NLRC5: variants seen among roughly 807,000 people sequenced by gnomAD.
NLRC5 encodes the protein NLR family CARD domain containing 5, also known as protein NLRC5.
In NLRC5, 114 loss-of-function variants were observed where a neutral mutation model predicts 206.9. The ratio of observed to expected loss-of-function variants is 0.55; its 90% confidence interval spans 0.47 to 0.64. The LOEUF (loss-of-function observed/expected upper bound fraction) is 0.64. Ranked by LOEUF, NLRC5 falls within the 30% of genes least tolerant of loss-of-function variation. The probability of loss-of-function intolerance (pLI) is 0.00; values close to 1 mark genes in which losing one functional copy is unlikely to be tolerated. For missense variants in NLRC5, 2,008 were observed against 2,305.5 expected, an observed-to-expected ratio of 0.87 and a Z score of 2.64; for synonymous variants, 952 against 962.8, an observed-to-expected ratio of 0.99 and a Z score of 0.21.
rs2069285479 is a variant in NLRC5 at position 57,082,568 on chromosome 16, A to AC, written c.*43dup. On this transcript the variant is annotated 3_prime_UTR_variant, in exon 49 of 49. Coordinates refer to ENST00000688547, the MANE Select transcript of NLRC5 (RefSeq NM_001384950.1). Reference sequence around the variant, plus strand: ...CCTTTGGAATCCAGCCAAGTGATGCACCCAAATGATCCACCTTTCGCCCAC... The same window carrying AC: ...CCTTTGGAATCCAGCCAAGTGATGCACCCCAAATGATCCACCTTTCGCCCAC... The AC allele has an allele frequency of 2.8e-6, 4 of 1,442,456 alleles. No homozygotes were observed. The highest frequency in any genetic ancestry group is 3.9e-6 in the Non-Finnish European group (4 of 1,029,474). 89.4% of individuals were successfully genotyped at this position (1,442,456 alleles called of 1,614,324 possible).
At chr16:57,030,257 G>T (rs1001394102) in intron 10 of NLRC5, among the ~76,000 whole-genome samples, 173 bp downstream of exon 10, 2 of 152,166 alleles carry the variant, frequency 1.3e-5, no homozygotes, top group African/African-American at 4.8e-5. Flanking sequence ...CTGGTACTTG[G>T]TATATATTGA....
At chr16:57,058,608 T>C (rs61560392) in intron 28 of NLRC5, 28,956 of 340,698 alleles carry the variant, frequency 0.085, 1,724 homozygotes, top group African/African-American at 0.19. Flanking sequence ...TCCCGTGACC[T>C]GCTGGAGTGA....
intron 47 of NLRC5, 102 bp from the exon 48 acceptor site, chr16:57,081,425 T>A: frequency 1.8e-6 from 2 of 1,123,574 alleles, no homozygotes; most frequent in Admixed American, 1.8e-5. Flanking sequence ...TGTGGGAGAC[T>A]GTGTCCCCTG....
rs767805494 is a variant in NLRC5 at position 57,046,684 on chromosome 16, G to A, written c.3338+43G>A. The A allele has an allele frequency of 2.6e-6, 4 of 1,541,128 alleles. No homozygotes were observed. The South Asian group carries it at 4.5e-5, about 17-fold the overall frequency. The stretch of plus-strand genomic sequence containing the variant: ...CTTGTTTGGGGGTAACCATAATAGG[G>A]ATGAGGCGTCAGAGGGGGCAGAGCT... On this transcript the variant is annotated intron_variant, in intron 22 of 48. Transcript: ENST00000688547.
intron 1 of NLRC5, among the ~76,000 whole-genome samples, chr16:56,999,847 G>A (rs1177319399): frequency 6.6e-6 from 1 of 152,228 alleles, no homozygotes; most frequent in African/African-American, 2.4e-5. Flanking sequence ...CCAGGTGGGA[G>A]GTAGCGAGGA....
intron 1 of NLRC5, among the ~76,000 whole-genome samples, chr16:57,000,894 A>G (rs2058164425): frequency 6.6e-6 from 1 of 152,192 alleles, no homozygotes; most frequent in African/African-American, 2.4e-5. Flanking sequence ...CCAGTGGCCC[A>G]GCCCAGCCCT....
At chr16:57,037,406 C>G in intron 15 of NLRC5, 122 bp downstream of exon 15, 1 of 865,452 alleles carries the variant, frequency 1.2e-6, no homozygotes, top group Non-Finnish European at 1.9e-6. Context: ...CTGTCCCACC[C>G]AGACCCCGTT....
intron 43 of NLRC5, 129 bp from the exon 44 acceptor site, chr16:57,078,921 G>A: frequency 2.5e-6 from 2 of 806,710 alleles, no homozygotes; most frequent in Non-Finnish European, 4.1e-6. Context: ...ACCTACCCAG[G>A]TCCTGTGTGG....
rs750409139 is a variant in NLRC5 at position 57,061,531 on chromosome 16, C to A, written c.4070C>A (p.Thr1357Lys). Residue 1357 changes from threonine (T) to lysine (K), a missense_variant and splice_region_variant, in exon 31 of 49, where the codon ACG becomes AAG. Coordinates refer to ENST00000688547, the MANE Select transcript of NLRC5 (RefSeq NM_001384950.1). ...LSKSLQLTELTLTQCCLGQKQ... is the reference protein window; with the variant it reads ...LSKSLQLTELKLTQCCLGQKQ... The stretch of plus-strand genomic sequence containing the variant: ...AAGTCCCTGCAGCTGACGGAGCTCA[C>A]GTGAGTGACCCACCCAGCCCGTGAG... 7 of 1,609,538 alleles carry A rather than the reference C, an allele frequency of 4.3e-6. No homozygotes were observed. Among genetic ancestry groups the A allele is most frequent in the Non-Finnish European group, 5.9e-6 (7 of 1,180,012 alleles).
intron 1 of NLRC5, among the ~76,000 whole-genome samples, chr16:57,001,422 G>A (rs1018878835): frequency 1.3e-5 from 2 of 152,170 alleles, no homozygotes; most frequent in Non-Finnish European, 2.9e-5. Context: ...TCAAGAGGCA[G>A]AAACAGGATG....
rs34897333 is a variant in NLRC5, at chr16:57,063,106, CTTTTTT to C, written c.4154+1423_4154+1428del. Among the ~76,000 whole-genome samples, 32 of 95,078 alleles carry C rather than the reference CTTTTTT, an allele frequency of 3.4e-4. 1 individual carries two copies. The South Asian group carries it at 0.011, about 31-fold the overall frequency. 62.4% of individuals were successfully genotyped at this position (95,078 alleles called of 152,430 possible). On this transcript the variant is annotated intron_variant, in intron 32 of 48. Transcript: ENST00000688547. ...GTGTCACTGTGTCAGACTTTCCTTCCTTTTTTTTTTTTTTTTTTTTTTTGAGACAGA... is the reference window on the plus strand; with the variant it reads ...GTGTCACTGTGTCAGACTTTCCTTCCTTTTTTTTTTTTTTTTTGAGACAGA...
chr16:57,059,295 T>A, intron 29 of NLRC5, 172 bp from the exon 30 acceptor site: 1 of 1,463,826 alleles, frequency 6.8e-7, no homozygotes, highest in Non-Finnish European at 9.0e-7. Flanking sequence ...AGGCCAGGTA[T>A]TGCCATGCTC....
At chr16:57,079,756 G>A in intron 46 of NLRC5, 127 bp downstream of exon 46, 2 of 678,190 alleles carry the variant, frequency 2.9e-6, no homozygotes, top group Non-Finnish European at 5.2e-6. Context: ...CCTCCCATTT[G>A]TAAATGGGGA....
intron 24 of NLRC5, 109 bp from the exon 25 acceptor site, chr16:57,054,642 A>G (rs564251611): frequency 2.4e-6 from 2 of 838,648 alleles, no homozygotes; most frequent in East Asian, 2.4e-5. Flanking sequence ...CTGCTTCCCT[A>G]TTGCCTTGCT....
In NLRC5 at chr16:57,026,746, G is replaced by T. The variant is rs142338160; in HGVS notation, c.1803G>T (p.Lys601Asn). 6.2e-7 allele frequency: 1 copy of T among 1,614,070 alleles called. No homozygotes were observed. Among genetic ancestry groups the T allele is most frequent in the African/African-American group, 1.3e-5 (1 of 75,070 alleles). Reference protein sequence around the residue: ...KQAAVVQVLKKLATRKLTGPK... With the variant: ...KQAAVVQVLKNLATRKLTGPK... ...CTGCTGTAGTGCAGGTGTTGAAGAAGTTGGCCACCCGCAAGCTCACAGGGC... is the reference window on the plus strand; with the variant it reads ...CTGCTGTAGTGCAGGTGTTGAAGAATTTGGCCACCCGCAAGCTCACAGGGC... Residue 601 changes from lysine to asparagine, a missense_variant, in exon 6 of 49, where the codon AAG (lysine) becomes AAT (asparagine). By Grantham distance (94) the Lys-to-Asn change is moderately conservative. Transcript: ENST00000688547.
chr16:56,994,164 C>T (rs1227628607), intron 1 of NLRC5, among the ~76,000 whole-genome samples: 4 of 59,308 alleles, frequency 6.7e-5, no homozygotes, highest in African/African-American at 1.4e-4. Flanking sequence ...GTGTATGGGG[C>T]GGAGGGGCTG....
rs145947544 is a variant in NLRC5, at chr16:57,033,663, C to T, written c.2537C>T (p.Thr846Met). 1.9e-5 allele frequency: 30 copies of T among 1,613,754 alleles called. No individual in the cohort carries two copies. Among genetic ancestry groups the T allele is most frequent in the Admixed American group, 1.2e-4 (7 of 59,996 alleles). Residue 846 changes from threonine to methionine, a missense_variant, in exon 12 of 49, where the codon ACG (threonine) becomes ATG (methionine). Physicochemically the swap from Thr to Met is moderately conservative, Grantham distance 81. Transcript: ENST00000688547. Reference sequence around the variant, plus strand: ...AAAGGGGCTCAGAGCAGAAGCTTGACGCTCAGGTACCTTGGAGGGATCTAT... The same window carrying T: ...AAAGGGGCTCAGAGCAGAAGCTTGATGCTCAGGTACCTTGGAGGGATCTAT... ...QRKGAQSRSL[T>M]LRLQKCQLQV...
chr16:57,005,994 A>G (rs1014214301), intron 1 of NLRC5, among the ~76,000 whole-genome samples: 10 of 151,020 alleles, frequency 6.6e-5, no homozygotes, highest in African/African-American at 2.4e-4. Context: ...ATATTAATGT[A>G]TTTGTATACA....
chr16:57,028,201 C>T (rs1287864008), intron 7 of NLRC5, 46 bp downstream of exon 7: 2 of 1,577,132 alleles, frequency 1.3e-6, no homozygotes, highest in African/African-American at 2.7e-5. Context: ...CTGGGGATGC[C>T]TGGTACTCTC....
Sources: gnomAD v4.1 joint callset for allele counts (sites outside exome capture counted in the v4.1 genomes callset) on GRCh38, gnomAD v4.1.1 for gene constraint, MANE v1.5 for transcripts, NCBI Gene and HGNC (gene_info 2026-07-23, HGNC 2026-07-21) for gene names.